The following FAM151B variants were observed in gnomAD, a reference collection of about 807,000 sequenced individuals.
FAM151B encodes family with sequence similarity 151 member B.
A neutral mutation model predicts 31.2 loss-of-function variants in FAM151B; 24 were observed. That is an observed-to-expected ratio of 0.77 (90% confidence interval 0.56 to 1.08). The LOEUF (loss-of-function observed/expected upper bound fraction) is 1.08. FAM151B is among the 50% of genes least tolerant of loss of function. The probability of loss-of-function intolerance (pLI) is 0.00; values close to 1 mark genes in which losing one functional copy is unlikely to be tolerated. For synonymous variants in FAM151B, 105 were observed against 111.4 expected, an observed-to-expected ratio of 0.94 and a Z score of 0.36; for missense variants, 293 against 328.6, an observed-to-expected ratio of 0.89 and a Z score of 0.84.
intron 1 of FAM151B, 105 bp downstream of exon 1, chr5:80,488,253 C>T: frequency 3.7e-6 from 5 of 1,362,796 alleles, no homozygotes; most frequent in Non-Finnish European, 3.9e-6. Flanking sequence ...TTGCTAGGGA[C>T]CTGGGAGCGC....
chr5:80,489,369 C>T (rs536810762), intron 1 of FAM151B, among the ~76,000 whole-genome samples: 12 of 152,248 alleles, frequency 7.9e-5, no homozygotes, highest in African/African-American at 2.4e-4. Context: ...TGCTAAACCT[C>T]CGTAGAACAT....
intron 5 of FAM151B, among the ~76,000 whole-genome samples, chr5:80,535,601 A>T (rs1218627904): frequency 1.3e-5 from 2 of 152,222 alleles, no homozygotes; most frequent in African/African-American, 4.8e-5. Flanking sequence ...AAATGGATTA[A>T]ATACTTAAAT....
At chr5:80,536,971 T>G (rs1225492829) in intron 5 of FAM151B, among the ~76,000 whole-genome samples, 1 of 152,116 alleles carries the variant, frequency 6.6e-6, no homozygotes, top group African/African-American at 2.4e-5. Flanking sequence ...TTTGAATGAA[T>G]AAGGCCTAAT....
intron 3 of FAM151B, chr5:80,519,079 G>A (rs1241591950): frequency 2.0e-5 from 3 of 152,002 alleles, no homozygotes; most frequent in Non-Finnish European, 4.4e-5. Context: ...TAAAATATAC[G>A]TATTTCTAAT....
intron 1 of FAM151B, chr5:80,495,341 CATAG>C (rs1743491258): frequency 6.6e-6 from 1 of 152,038 alleles, no homozygotes; most frequent in Non-Finnish European, 1.5e-5. Flanking sequence ...CTATAGCTGC[CATAG>C]ATAGTGATTC....
chr5:80,529,387 C>T (rs1745120034), intron 5 of FAM151B, among the ~76,000 whole-genome samples: 1 of 152,140 alleles, frequency 6.6e-6, no homozygotes, highest in Non-Finnish European at 1.5e-5. Flanking sequence ...TAACTAAGAT[C>T]AGAGCAGAAC....
intron 5 of FAM151B, among the ~76,000 whole-genome samples, chr5:80,530,791 C>A (rs372998424): frequency 6.6e-6 from 1 of 152,042 alleles, no homozygotes; most frequent in Admixed American, 6.6e-5. Flanking sequence ...GAATCAATAC[C>A]GTGAAAATGG....
chr5:80,512,667 A>T (rs1424119252), intron 2 of FAM151B, among the ~76,000 whole-genome samples: 1 of 151,972 alleles, frequency 6.6e-6, no homozygotes, highest in Non-Finnish European at 1.5e-5. Flanking sequence ...CTGTAGTCCT[A>T]GCTACTCAGG....
intron 2 of FAM151B, among the ~76,000 whole-genome samples, chr5:80,509,878 G>A (rs1744116157): frequency 6.6e-6 from 1 of 152,190 alleles, no homozygotes; most frequent in Non-Finnish European, 1.5e-5. Context: ...TTGCTACAGT[G>A]ACAGTGTTGC....
At chr5:80,539,636 C>T (rs10053576) in intron 5 of FAM151B, among the ~76,000 whole-genome samples, 36,629 of 151,862 alleles carry the variant, frequency 0.24, 4,589 homozygotes, top group South Asian at 0.32. Flanking sequence ...GGACTACAGG[C>T]GTGCGCCACC....
At chr5:80,512,363 T>G (rs1744224759) in intron 2 of FAM151B, among the ~76,000 whole-genome samples, 1 of 152,234 alleles carries the variant, frequency 6.6e-6, no homozygotes, top group African/African-American at 2.4e-5. Flanking sequence ...TCTGAACTGA[T>G]TAATATACCT....
chr5:80,492,141 G>A (rs963252807), intron 1 of FAM151B, among the ~76,000 whole-genome samples: 3 of 151,556 alleles, frequency 2.0e-5, no homozygotes, highest in Non-Finnish European at 4.4e-5. Context: ...TTGTTTTATT[G>A]TACTTCACTT....
rs1745940103 is a variant in FAM151B at position 80,542,550 on chromosome 5, A to T, written c.*718A>T. 1 of 151,714 alleles carries T rather than the reference A, an allele frequency of 6.6e-6. No homozygotes were observed. The highest frequency in any genetic ancestry group is 1.5e-5 in the Non-Finnish European group (1 of 67,974). 9.4% of individuals were successfully genotyped at this position (151,714 alleles called of 1,614,324 possible). A position where few individuals can be genotyped will look rare whatever the true frequency, so the allele number is the denominator to read the frequency against. On this transcript the variant is annotated 3_prime_UTR_variant, in exon 6 of 6. Transcript: ENST00000282226. The stretch of plus-strand genomic sequence containing the variant: ...ATTCAGGTCCTTGTTCTACTAGTAA[A>T]ACTTTATGAACTACTTTTTTCACGG...
At position 80,541,890 on chromosome 5, in the gene FAM151B, T is replaced by G; in HGVS notation, c.*58T>G. 7 of 1,511,830 alleles carry G rather than the reference T, an allele frequency of 4.6e-6. No homozygotes were observed. The highest frequency in any genetic ancestry group is 6.3e-6 in the Non-Finnish European group (7 of 1,115,438). 93.7% of individuals were successfully genotyped at this position (1,511,830 alleles called of 1,614,324 possible). A position where few individuals can be genotyped will look rare whatever the true frequency, so the allele number is the denominator to read the frequency against. Reference sequence around the variant, plus strand: ...GTTTCATAATCCTTCTCTCCATTGGTCTGAATTAATTACCATATAAATTAT... The same window carrying G: ...GTTTCATAATCCTTCTCTCCATTGGGCTGAATTAATTACCATATAAATTAT... On this transcript the variant is annotated 3_prime_UTR_variant, in exon 6 of 6. Transcript: ENST00000282226.
chr5:80,536,093 G>T (rs1277597871), intron 5 of FAM151B, among the ~76,000 whole-genome samples: 1 of 152,164 alleles, frequency 6.6e-6, no homozygotes, highest in African/African-American at 2.4e-5. Flanking sequence ...GTAAATGCTA[G>T]CAAGGATGTG....
intron 1 of FAM151B, among the ~76,000 whole-genome samples, chr5:80,494,456 T>TTTCTTTCTTTCTTTTCTTTC (rs753640131): frequency 6.0e-5 from 5 of 82,688 alleles, no homozygotes; most frequent in African/African-American, 2.2e-4. Flanking sequence ...TCTTTCTTTC[T>TTTCTTTCTTTCTTTTCTTTC]TTTCTTTCTT....
At chr5:80,513,840 A>G in intron 3 of FAM151B, 71 bp downstream of exon 3, 6 of 1,346,970 alleles carry the variant, frequency 4.5e-6, no homozygotes, top group Non-Finnish European at 6.1e-6. Context: ...ATTTTTTTTA[A>G]TGTTATCCAA....
chr5:80,500,564 G>A (rs1299630504), intron 1 of FAM151B: 3 of 755,508 alleles, frequency 4.0e-6, no homozygotes, highest in Non-Finnish European at 7.3e-6. Flanking sequence ...GAGAAAAGCT[G>A]GCAACTTCTG....
intron 2 of FAM151B, among the ~76,000 whole-genome samples, chr5:80,506,433 C>A (rs1347505606): frequency 6.6e-6 from 1 of 152,098 alleles, no homozygotes; most frequent in Non-Finnish European, 1.5e-5. Flanking sequence ...CTGATTGTAC[C>A]ACACTTAAAG....
Sources: allele counts gnomAD v4.1 joint callset (sites outside exome capture counted in the v4.1 genomes callset), GRCh38; gene constraint gnomAD v4.1.1; transcripts MANE v1.5; gene names NCBI Gene and HGNC (gene_info 2026-07-23, HGNC 2026-07-21).